ARHGEF26: variants seen among roughly 807,000 people sequenced by gnomAD.
The protein encoded by ARHGEF26 is Rho guanine nucleotide exchange factor (GEF) 26.
A neutral mutation model predicts 89.4 loss-of-function variants in ARHGEF26; 59 were observed. The ratio of observed to expected loss-of-function variants is 0.66; its 90% CI spans 0.54 to 0.82. The LOEUF is 0.82. ARHGEF26 is among the 40% of genes least tolerant of loss of function. ARHGEF26 has a pLI of 0.00. For synonymous variants in ARHGEF26, 500 were observed against 428.4 expected, an observed-to-expected ratio of 1.17 and a Z score of -2.06; for missense variants, 1,234 against 1,085.6, an observed-to-expected ratio of 1.14 and a Z score of -1.92.
intron 10 of ARHGEF26, among the ~76,000 whole-genome samples, chr3:154,218,912 G>A (rs74956401): frequency 0.011 from 1,607 of 152,290 alleles, 22 homozygotes; most frequent in African/African-American, 0.037. Context: ...TCAGGACTAA[G>A]GTCTAGATGT....
At chr3:154,142,426 C>G (rs1358153623) in intron 4 of ARHGEF26, among the ~76,000 whole-genome samples, 4 of 152,152 alleles carry the variant, frequency 2.6e-5, no homozygotes, top group Non-Finnish European at 5.9e-5. Context: ...GTGTCTGTTT[C>G]TCAGATCTCC....
rs1422169680 is a variant in ARHGEF26, at chr3:154,152,935, AAGTGCACTGC to A, written c.1487+7_1487+16del. 5 of 1,575,298 alleles carry A rather than the reference AAGTGCACTGC, an allele frequency of 3.2e-6. No individual in the cohort carries two copies. Among genetic ancestry groups the A allele is most frequent in the Admixed American group, 3.6e-5 (2 of 55,022 alleles). Reference sequence around the variant, plus strand: ...GATGTCTGTGAGGCAAGCAAAAAGTAAGTGCACTGCAGTCTGCCTTTGGTCGTGCCAAGAA... The same window carrying A: ...GATGTCTGTGAGGCAAGCAAAAAGTAAGTCTGCCTTTGGTCGTGCCAAGAA... On this transcript the variant is annotated splice_donor_5th_base_variant and intron_variant, in intron 6 of 14. Transcript: ENST00000465093.
chr3:154,182,060 C>T (rs914215902), intron 6 of ARHGEF26, among the ~76,000 whole-genome samples: 1 of 151,348 alleles, frequency 6.6e-6, no homozygotes, highest in African/African-American at 2.4e-5. Flanking sequence ...TATATATACA[C>T]ACACAATATA....
chr3:154,151,602 C>T (rs1179348718), intron 5 of ARHGEF26, among the ~76,000 whole-genome samples: 4 of 152,132 alleles, frequency 2.6e-5, no homozygotes, highest in Non-Finnish European at 5.9e-5. Context: ...TTACTCTTTA[C>T]TCTTCAGATA....
intron 6 of ARHGEF26, among the ~76,000 whole-genome samples, chr3:154,184,194 G>A (rs980611078): frequency 6.6e-6 from 1 of 152,000 alleles, no homozygotes; most frequent in African/African-American, 2.4e-5. Context: ...GGATGGTCTC[G>A]ATCTCCTGAC....
intron 4 of ARHGEF26, among the ~76,000 whole-genome samples, chr3:154,148,928 G>A (rs750823821): frequency 1.8e-4 from 27 of 152,150 alleles, no homozygotes; most frequent in Admixed American, 1.1e-3. Context: ...ATTAGAAGGG[G>A]TCTTAGTGAT....
chr3:154,191,557 T>G lies in ARHGEF26; in HGVS notation c.1770+139T>G, dbSNP rs1576758944. 7 of 1,087,792 alleles carry G rather than the reference T, an allele frequency of 6.4e-6. No homozygotes were observed. In the East Asian group the frequency reaches 1.8e-4, roughly 29 times the overall value. 67.4% of individuals were successfully genotyped at this position (1,087,792 alleles called of 1,614,324 possible). On this transcript the variant is annotated intron_variant, in intron 8 of 14. Transcript: ENST00000465093. ...CCCCAATTAAGTGAGAAGGTGTTGT[T>G]TGTTCAGAAAGTCTCACCTGTATCT...
At chr3:154,247,797 A>G (rs1163773605) in intron 12 of ARHGEF26, among the ~76,000 whole-genome samples, 7 of 152,216 alleles carry the variant, frequency 4.6e-5, no homozygotes, top group Non-Finnish European at 8.8e-5. Flanking sequence ...CGTCGAAGTC[A>G]TGTATACTGT....
intron 11 of ARHGEF26, among the ~76,000 whole-genome samples, chr3:154,237,575 T>TACACACACACAC (rs1322838552): frequency 3.4e-5 from 2 of 58,256 alleles, no homozygotes; most frequent in Non-Finnish European, 6.8e-5. Flanking sequence ...CACACACACT[T>TACACACACACAC]AACTAGTTTA....
At chr3:154,193,936 G>A (rs146991144) in intron 8 of ARHGEF26, among the ~76,000 whole-genome samples, 1,589 of 151,976 alleles carry the variant, frequency 0.01, 20 homozygotes, top group African/African-American at 0.036. Flanking sequence ...CCAGGCTCAA[G>A]TGACCCTCCC....
At chr3:154,154,238 C>G (rs1720192493) in intron 6 of ARHGEF26, among the ~76,000 whole-genome samples, 1 of 151,964 alleles carries the variant, frequency 6.6e-6, no homozygotes, top group South Asian at 2.1e-4. Flanking sequence ...GTTAAAGGAT[C>G]ATGTTTTACA....
At chr3:154,196,985 T>C (rs1714331966) in intron 9 of ARHGEF26, among the ~76,000 whole-genome samples, 1 of 152,128 alleles carries the variant, frequency 6.6e-6, no homozygotes, top group South Asian at 2.1e-4. Context: ...TTCAAGAATT[T>C]TACATCTCAG....
At position 154,143,693 on chromosome 3, in the gene ARHGEF26, TA is replaced by T. The variant is rs370373547; in HGVS notation, c.1270-5694del. ...CCACCATTCCCAACCCCTCAGCTGT[TA>T]ACCACTGCTATAAGTCTGGTCTGTC... On this transcript the variant is annotated intron_variant, in intron 4 of 14. Transcript: ENST00000465093. 1.9e-4 allele frequency among the ~76,000 whole-genome samples: 29 copies of T among 152,350 alleles called. No homozygotes were observed. In the South Asian group the frequency reaches 2.9e-3, roughly 15 times the overall value.
At chr3:154,253,558 G>C (rs549481625) in intron 13 of ARHGEF26, among the ~76,000 whole-genome samples, 1 of 152,212 alleles carries the variant, frequency 6.6e-6, no homozygotes, top group African/African-American at 2.4e-5. Flanking sequence ...TTATCAGTGG[G>C]CAACAGTTGA....
chr3:154,140,620 T>C (rs1397645800), intron 4 of ARHGEF26, among the ~76,000 whole-genome samples: 1 of 146,508 alleles, frequency 6.8e-6, no homozygotes, highest in Non-Finnish European at 1.5e-5. Flanking sequence ...AGTCTAACTC[T>C]GTTGCCCAGG....
Position 154,238,617 on chromosome 3 carries a change from C to T in ARHGEF26, c.2091-1753C>T, listed in dbSNP as rs144468962. On this transcript the variant is annotated intron_variant, in intron 11 of 14. Transcript: ENST00000465093. ...AAGGAGTTTTCTTTTCTCTAAGCTC[C>T]CCTGACATCATTCATTTGCATTTAT... Among the ~76,000 whole-genome samples the T allele has an allele frequency of 1.2e-3, 179 of 152,152 alleles. 1 individual carries two copies. The highest frequency in any genetic ancestry group is 3.9e-3 in the African/African-American group (163 of 41,496).
chr3:154,217,194 C>T (rs1224590706), intron 9 of ARHGEF26, among the ~76,000 whole-genome samples: 2 of 149,914 alleles, frequency 1.3e-5, no homozygotes, highest in African/African-American at 4.9e-5. Context: ...TCTCCAGCAC[C>T]TGTTGTTCCC....
At chr3:154,233,347 C>T (rs996151995) in intron 11 of ARHGEF26, among the ~76,000 whole-genome samples, 2 of 152,234 alleles carry the variant, frequency 1.3e-5, no homozygotes, top group African/African-American at 4.8e-5. Flanking sequence ...CAATGTCCTT[C>T]ATCCCAGCAA....
At chr3:154,185,252 T>C (rs1029672395) in intron 6 of ARHGEF26, among the ~76,000 whole-genome samples, 2 of 152,154 alleles carry the variant, frequency 1.3e-5, no homozygotes, top group African/African-American at 2.4e-5. Context: ...AGTTCCTACA[T>C]TAACCACCCT....
Sources: allele counts gnomAD v4.1 joint callset (sites outside exome capture counted in the v4.1 genomes callset), GRCh38; gene constraint gnomAD v4.1.1; transcripts MANE v1.5; gene names NCBI Gene and HGNC (gene_info 2026-07-23, HGNC 2026-07-21).